Variants in ERC2 observed in about 807,000 individuals in gnomAD.
ERC2 encodes ERC protein 2.
In ERC2, 42 loss-of-function variants were observed where a neutral mutation model predicts 114.8. The ratio of observed to expected loss-of-function variants is 0.37; its 90% CI spans 0.29 to 0.47. The LOEUF is 0.47. Among genes scored for constraint, ERC2 ranks in the 20% least tolerant of loss-of-function variants. The probability of loss-of-function intolerance (pLI) is 0.99; values close to 1 mark genes in which losing one functional copy is unlikely to be tolerated. For synonymous variants in ERC2, 454 were observed against 425.5 expected, an observed-to-expected ratio of 1.07 and a Z score of -0.82; for missense variants, 939 against 1,150.7, an observed-to-expected ratio of 0.82 and a Z score of 2.66.
chr3:55,776,059 AGG>A lies in ERC2; in HGVS notation c.2565-41143_2565-41142del, dbSNP rs2068584487. 2.0e-5 allele frequency among the ~76,000 whole-genome samples: 3 copies of A among 152,294 alleles called. No individual in the cohort carries two copies. In the South Asian group the frequency reaches 6.2e-4, roughly 32 times the overall value. ...TATCCTCACCTTTAGGCTGGGCAAG[AGG>A]GGGCCCTACTGTGAAGGCCTGCATA... On this transcript the variant is annotated intron_variant, in intron 14 of 17. Transcript: ENST00000288221.
At chr3:56,357,755 C>G (rs1379221948) in intron 2 of ERC2, among the ~76,000 whole-genome samples, 2 of 149,064 alleles carry the variant, frequency 1.3e-5, no homozygotes, top group African/African-American at 5.0e-5. Context: ...CTTTAATGAG[C>G]CATTACATCC....
rs557773158 is a variant in ERC2 at position 55,789,543 on chromosome 3, C to G, written c.2565-54625G>C. 5.3e-5 allele frequency among the ~76,000 whole-genome samples: 8 copies of G among 152,248 alleles called. No homozygotes were observed. In the East Asian group the frequency reaches 1.5e-3, roughly 29 times the overall value. On this transcript the variant is annotated intron_variant, in intron 14 of 17. Transcript: ENST00000288221. ...AGATTACCGATGCAGACAAGAAACC[C>G]AATACATAATCTAATTTAAAGAAAC...
At chr3:56,425,388 A>C (rs2061528519) in intron 2 of ERC2, among the ~76,000 whole-genome samples, 1 of 152,136 alleles carries the variant, frequency 6.6e-6, no homozygotes, top group South Asian at 2.1e-4. Flanking sequence ...AGAGGAAAAA[A>C]TGAGGGTCAC....
chr3:55,546,396 C>T (rs950584144), intron 17 of ERC2, among the ~76,000 whole-genome samples: 1 of 152,170 alleles, frequency 6.6e-6, no homozygotes, highest in South Asian at 2.1e-4. Flanking sequence ...CCATGCTGCA[C>T]CCCCACCCCT....
At chr3:55,763,090 T>A (rs2067556080) in intron 14 of ERC2, among the ~76,000 whole-genome samples, 1 of 152,136 alleles carries the variant, frequency 6.6e-6, no homozygotes, top group African/African-American at 2.4e-5. Flanking sequence ...TGACTTGGAT[T>A]TGGTCTAGAA....
At chr3:56,199,989 A>G (rs1420794274) in intron 3 of ERC2, among the ~76,000 whole-genome samples, 1 of 152,190 alleles carries the variant, frequency 6.6e-6, no homozygotes, top group Non-Finnish European at 1.5e-5. Flanking sequence ...TATAGTCTTT[A>G]GGACATGGTT....
At chr3:56,107,064 G>A (rs2078702470) in intron 6 of ERC2, among the ~76,000 whole-genome samples, 1 of 152,072 alleles carries the variant, frequency 6.6e-6, no homozygotes, top group Non-Finnish European at 1.5e-5. Context: ...GGGAGGATAT[G>A]AACGAGGATA....
intron 6 of ERC2, among the ~76,000 whole-genome samples, chr3:56,135,325 T>A (rs562614379): frequency 6.6e-6 from 1 of 152,100 alleles, no homozygotes; most frequent in Non-Finnish European, 1.5e-5. Flanking sequence ...TTTGTCCATA[T>A]CATTCTAAGA....
intron 6 of ERC2, among the ~76,000 whole-genome samples, chr3:56,122,720 T>C (rs545695388): frequency 6.3e-4 from 96 of 152,280 alleles, no homozygotes; most frequent in African/African-American, 2.0e-3. Flanking sequence ...GATGACTCCC[T>C]TTCTAATTTA....
chr3:55,786,247 C>T (rs9311581), intron 14 of ERC2, among the ~76,000 whole-genome samples: 11,364 of 152,190 alleles, frequency 0.075, 730 homozygotes, highest in African/African-American at 0.17. Context: ...TTTGAGAAAA[C>T]CAAAGCATGG....
intron 14 of ERC2, among the ~76,000 whole-genome samples, chr3:55,796,715 G>A (rs1323923701): frequency 6.6e-6 from 1 of 152,302 alleles, no homozygotes; most frequent in Non-Finnish European, 1.5e-5. Context: ...ATGAGCCACT[G>A]GGCCCAGCCC....
chr3:55,830,436 C>A (rs2060518275), intron 14 of ERC2, among the ~76,000 whole-genome samples: 1 of 152,172 alleles, frequency 6.6e-6, no homozygotes, highest in African/African-American at 2.4e-5. Flanking sequence ...CCTTTTAGGG[C>A]CTTCAAACTA....
At chr3:56,320,927 G>T (rs76763008) in intron 2 of ERC2, among the ~76,000 whole-genome samples, 1 of 152,118 alleles carries the variant, frequency 6.6e-6, no homozygotes, top group Non-Finnish European at 1.5e-5. Flanking sequence ...AGCTAGGGAA[G>T]TCTGCCCATT....
chr3:56,100,276 C>A (rs1329364396), intron 6 of ERC2, among the ~76,000 whole-genome samples: 2 of 152,126 alleles, frequency 1.3e-5, no homozygotes, highest in Non-Finnish European at 2.9e-5. Context: ...ATACTGCTGG[C>A]TTAACTCACT....
chr3:56,053,858 G>A (rs968085641), intron 7 of ERC2, among the ~76,000 whole-genome samples: 14 of 151,816 alleles, frequency 9.2e-5, no homozygotes, highest in Admixed American at 3.3e-4. Context: ...CAAAGCTCTT[G>A]AAGCAGTTTA....
At chr3:55,700,708 G>GT (rs2063180632) in intron 15 of ERC2, among the ~76,000 whole-genome samples, 1 of 152,052 alleles carries the variant, frequency 6.6e-6, no homozygotes, top group Non-Finnish European at 1.5e-5. Context: ...ATTTAATCTA[G>GT]GAGCCTTTTC....
At chr3:55,551,582 G>C (rs1211288229) in intron 17 of ERC2, among the ~76,000 whole-genome samples, 1 of 152,118 alleles carries the variant, frequency 6.6e-6, no homozygotes, top group Non-Finnish European at 1.5e-5. Context: ...CACGTGTTTA[G>C]AGGTAAATCC....
intron 17 of ERC2, among the ~76,000 whole-genome samples, chr3:55,557,925 A>C (rs539619082): frequency 9.8e-4 from 149 of 152,366 alleles, no homozygotes; most frequent in African/African-American, 3.4e-3. Flanking sequence ...CTCCCAGTAC[A>C]GGAGTTAAAG....
At chr3:55,639,650 T>C (rs572096698) in intron 17 of ERC2, among the ~76,000 whole-genome samples, 2 of 152,312 alleles carry the variant, frequency 1.3e-5, no homozygotes, top group South Asian at 4.1e-4. Flanking sequence ...AGATTTCCTG[T>C]GTAAATACCT....
Sources: allele counts gnomAD v4.1 joint callset (sites outside exome capture counted in the v4.1 genomes callset), GRCh38; gene constraint gnomAD v4.1.1; transcripts MANE v1.5; gene names NCBI Gene and HGNC (gene_info 2026-07-23, HGNC 2026-07-21).